The following GOLGA8A variants were observed in gnomAD, a reference collection of about 807,000 sequenced individuals.
GOLGA8A encodes golgin A8 family member A.
GOLGA8A carries 3 observed loss-of-function variants against 22.1 expected under a neutral mutation model. The observed-to-expected ratio is 0.14, with a 90% CI of 0.06 to 0.35. The LOEUF (loss-of-function observed/expected upper bound fraction) is 0.35, where lower values mean the gene tolerates loss of function less well. Among genes scored for constraint, GOLGA8A ranks in the 10% least tolerant of loss-of-function variants. The pLI, the probability that GOLGA8A is intolerant of heterozygous loss-of-function variation, is 1.00. For missense variants in GOLGA8A, 16 were observed against 233.2 expected (o/e 0.07, Z 6.07); for synonymous variants, 7 against 91.7 (o/e 0.08, Z 5.28).
chr15:34,427,962 G>C (rs1893056157), intron 2 of GOLGA8A, among the ~76,000 whole-genome samples: 2 of 148,904 alleles, frequency 1.3e-5, no homozygotes, highest in East Asian at 3.9e-4. Context: ...TGGGAAATCA[G>C]TTGACATGAA....
At chr15:34,430,383 C>T (rs940772243) in intron 2 of GOLGA8A, among the ~76,000 whole-genome samples, 1 of 149,238 alleles carries the variant, frequency 6.7e-6, no homozygotes, top group African/African-American at 2.5e-5. Context: ...CTTCACAATA[C>T]ATGCACAAAA....
chr15:34,420,757 G>A (rs1892765409), intron 2 of GOLGA8A, among the ~76,000 whole-genome samples: 1 of 127,990 alleles, frequency 7.8e-6, no homozygotes, highest in Non-Finnish European at 1.7e-5. Context: ...GAGTGCTCCC[G>A]GTTTTCAGCA....
At chr15:34,431,907 T>C (rs1045732565) in intron 2 of GOLGA8A, among the ~76,000 whole-genome samples, 2 of 149,270 alleles carry the variant, frequency 1.3e-5, no homozygotes, top group African/African-American at 2.5e-5. Context: ...CTGTCATATA[T>C]GCTATCATTC....
At chr15:34,434,223 C>T (rs1047330921) in intron 2 of GOLGA8A, among the ~76,000 whole-genome samples, 7 of 149,122 alleles carry the variant, frequency 4.7e-5, no homozygotes, top group African/African-American at 1.5e-4. Context: ...AAAATCAGGC[C>T]GAGACACATG....
At chr15:34,433,994 A>C (rs1165665446) in intron 2 of GOLGA8A, among the ~76,000 whole-genome samples, 1 of 149,198 alleles carries the variant, frequency 6.7e-6, no homozygotes, top group Admixed American at 6.8e-5. Context: ...CAGCAGGTGC[A>C]AAGGCCTGGA....
At chr15:34,431,341 A>ATCTCTCTCTC (rs1566914029) in intron 2 of GOLGA8A, among the ~76,000 whole-genome samples, 5 of 103,090 alleles carry the variant, frequency 4.9e-5, no homozygotes, top group South Asian at 4.3e-4. Context: ...ATATATATAT[A>ATCTCTCTCTC]TATATCTCAC....
At chr15:34,427,330 C>CAAAA (rs67775520) in intron 2 of GOLGA8A, among the ~76,000 whole-genome samples, 7 of 78,810 alleles carry the variant, frequency 8.9e-5, no homozygotes, top group African/African-American at 1.1e-4. Flanking sequence ...GACTCCGTCA[C>CAAAA]AAAAAAAAAA....
rs946102209 is a variant in GOLGA8A at position 34,380,154 on chromosome 15, C to T, written c.*1257G>A. 1.2e-4 allele frequency: 19 copies of T among 152,324 alleles called. No homozygotes were observed. The East Asian group carries it at 1.5e-3, about 12-fold the overall frequency. The allele number at this position is 152,324 out of a possible 1,614,324, so 9.4% of individuals were successfully genotyped here. ...TAGTTTATAATAATGTTTGTTATTA[C>T]TTTCTAAAGTGTTTTCCACTCAAGG... On this transcript the variant is annotated 3_prime_UTR_variant, in exon 25 of 25. Coordinates refer to ENST00000359187, the MANE Select transcript of GOLGA8A (RefSeq NM_181077.5).
intron 2 of GOLGA8A, chr15:34,416,143 T>G (rs1460969899): frequency 6.6e-6 from 1 of 152,116 alleles, no homozygotes; most frequent in Non-Finnish European, 1.5e-5. Context: ...CAACCTTGAT[T>G]CACTGTGGAA....
At chr15:34,434,279 T>A (rs1247315609) in intron 2 of GOLGA8A, among the ~76,000 whole-genome samples, 1 of 149,272 alleles carries the variant, frequency 6.7e-6, no homozygotes. Flanking sequence ...TGGGCAATGG[T>A]GACACACCTG....
chr15:34,436,696 GA>G lies in GOLGA8A; in HGVS notation c.-1212+701del, dbSNP rs1367604003. On this transcript the variant is annotated intron_variant, in intron 1 of 24. Transcript: ENST00000359187. ...CCCGACCCATGGAGCCCTGCTTGGGGACCGGGGGCCTCGATGTTCTCCTTCA... is the reference window on the plus strand; with the variant it reads ...CCCGACCCATGGAGCCCTGCTTGGGGCCGGGGGCCTCGATGTTCTCCTTCA... Among the ~76,000 whole-genome samples, 2 of 149,560 alleles carry G rather than the reference GA, an allele frequency of 1.3e-5. 1 individual carries two copies. Among genetic ancestry groups the G allele is most frequent in the Non-Finnish European group, 3.0e-5 (2 of 67,180 alleles).
At position 34,379,165 on chromosome 15, in the gene GOLGA8A, A is replaced by G. The variant is rs553425374; in HGVS notation, c.*2246T>C. 1.5e-3 allele frequency: 228 copies of G among 152,758 alleles called. 1 individual carries two copies. The highest frequency in any genetic ancestry group is 2.2e-3 in the Non-Finnish European group (151 of 68,028). The allele number at this position is 152,758 out of a possible 1,614,324, so 9.5% of individuals were successfully genotyped here. On this transcript the variant is annotated 3_prime_UTR_variant, in exon 25 of 25. Coordinates refer to ENST00000359187, the MANE Select transcript of GOLGA8A (RefSeq NM_181077.5). ...AAGTCTTTCAGTATTTCCGTTACAC[A>G]TTCTGTTAACAAGAACTCATACATT...
At chr15:34,436,779 A>G (rs1343159077) in intron 1 of GOLGA8A, among the ~76,000 whole-genome samples, 1 of 149,784 alleles carries the variant, frequency 6.7e-6, no homozygotes, top group African/African-American at 2.5e-5. Context: ...TGGCGTGGAG[A>G]AGGGGCCCTG....
chr15:34,435,211 C>A (rs1016005548), intron 2 of GOLGA8A, among the ~76,000 whole-genome samples, 172 bp downstream of exon 2: 1 of 149,302 alleles, frequency 6.7e-6, no homozygotes, highest in Non-Finnish European at 1.5e-5. Context: ...CTCCCCACTC[C>A]AACAGCCCTC....
chr15:34,432,479 C>T (rs1893302143), intron 2 of GOLGA8A, among the ~76,000 whole-genome samples: 2 of 149,016 alleles, frequency 1.3e-5, no homozygotes, highest in Admixed American at 1.4e-4. Context: ...GCTCAGCTAC[C>T]TGTCCCCAGC....
chr15:34,423,946 G>A lies in GOLGA8A; in HGVS notation c.-1123+11437C>T, dbSNP rs539167140. On this transcript the variant is annotated intron_variant, in intron 2 of 24. Transcript: ENST00000359187. ...GGAGGAAGCAGCTGAGGCTACCAGCGGCTGCCAGCTTGCTGGCATGGGTCC... is the reference window on the plus strand; with the variant it reads ...GGAGGAAGCAGCTGAGGCTACCAGCAGCTGCCAGCTTGCTGGCATGGGTCC... Among the ~76,000 whole-genome samples the A allele has an allele frequency of 4.4e-3, 652 of 148,016 alleles. 40 individuals are homozygous for A. The highest frequency in any genetic ancestry group is 0.015 in the African/African-American group (608 of 40,028).
intron 2 of GOLGA8A, among the ~76,000 whole-genome samples, chr15:34,435,008 C>G (rs1406344580): frequency 1.3e-5 from 2 of 149,482 alleles, no homozygotes; most frequent in Admixed American, 1.3e-4. Flanking sequence ...TGCTGGGCCT[C>G]GATCCCCACC....
intron 2 of GOLGA8A, among the ~76,000 whole-genome samples, chr15:34,432,172 G>C (rs961304690): frequency 6.7e-6 from 1 of 149,142 alleles, no homozygotes; most frequent in Non-Finnish European, 1.5e-5. Context: ...CCACCTTCCT[G>C]GAGGGCTAGC....
chr15:34,433,308 G>A (rs1436389279), intron 2 of GOLGA8A, among the ~76,000 whole-genome samples: 1 of 149,012 alleles, frequency 6.7e-6, no homozygotes, highest in African/African-American at 2.5e-5. Context: ...ATCTGGGCGT[G>A]GGGGTGCCTC....
Sources: gnomAD v4.1 joint callset for allele counts (sites outside exome capture counted in the v4.1 genomes callset) on GRCh38, gnomAD v4.1.1 for gene constraint, MANE v1.5 for transcripts, NCBI Gene and HGNC (gene_info 2026-07-23, HGNC 2026-07-21) for gene names.